PCDH7: variants seen among roughly 807,000 people sequenced by gnomAD.
PCDH7 encodes the protein protocadherin-7.
Under a neutral mutation model 58.9 loss-of-function variants are expected in PCDH7, and 17 were observed. That is an observed-to-expected ratio of 0.29 (90% CI 0.20 to 0.43). The LOEUF (loss-of-function observed/expected upper bound fraction) is 0.43. Ranked by LOEUF, PCDH7 falls within the 20% of genes least tolerant of loss-of-function variation. The pLI is 1.00. For synonymous variants in PCDH7, 664 were observed against 616.4 expected (o/e 1.08, Z -1.14); for missense variants, 1,274 against 1,441.0 (o/e 0.88, Z 1.88).
intron 3 of PCDH7, among the ~76,000 whole-genome samples, chr4:31,134,256 T>G (rs1327600789): frequency 2.6e-5 from 4 of 151,986 alleles, no homozygotes; most frequent in Non-Finnish European, 5.9e-5. Context: ...GGTCAGGAGA[T>G]CGAGACCATC....
At chr4:31,065,417 A>G (rs991665564) in intron 3 of PCDH7, among the ~76,000 whole-genome samples, 1 of 151,952 alleles carries the variant, frequency 6.6e-6, no homozygotes, top group Admixed American at 6.6e-5. Flanking sequence ...TTGTAGTTTG[A>G]AGTCAGGGAT....
intron 1 of PCDH7, among the ~76,000 whole-genome samples, chr4:30,831,045 C>T (rs1010074200): frequency 2.0e-5 from 3 of 152,064 alleles, no homozygotes; most frequent in Admixed American, 6.6e-5. Context: ...GGTGTGCCGA[C>T]ATCCCACTAG....
chr4:31,055,575 ATTTTTTTG>A (rs1337542680), intron 3 of PCDH7, among the ~76,000 whole-genome samples: 52 of 151,818 alleles, frequency 3.4e-4, no homozygotes, highest in Non-Finnish European at 6.9e-4. Flanking sequence ...TTGTTTTTTT[ATTTTTTTG>A]TTTTTTTGTT....
chr4:31,045,837 G>A (rs1362424079), intron 3 of PCDH7, among the ~76,000 whole-genome samples: 11 of 151,938 alleles, frequency 7.2e-5, no homozygotes. Flanking sequence ...GAAGCACACT[G>A]ATTCTGATAC....
intron 3 of PCDH7, among the ~76,000 whole-genome samples, chr4:31,019,238 TTAAA>T (rs765154177): frequency 5.9e-5 from 9 of 152,176 alleles, no homozygotes; most frequent in Non-Finnish European, 7.3e-5. Context: ...ATTTATAAAA[TTAAA>T]TATATAGTCT....
chr4:31,010,354 C>T (rs1361421093), intron 3 of PCDH7, among the ~76,000 whole-genome samples: 1 of 151,890 alleles, frequency 6.6e-6, no homozygotes, highest in African/African-American at 2.4e-5. Flanking sequence ...TATTAATTTA[C>T]TTGCTTGTTT....
intron 1 of PCDH7, among the ~76,000 whole-genome samples, chr4:30,910,034 C>G (rs1319967788): frequency 1.3e-5 from 2 of 152,070 alleles, no homozygotes; most frequent in African/African-American, 2.4e-5. Context: ...CATCTACAAC[C>G]ATCTGATCTT....
At chr4:30,780,933 C>T (rs1722695001) in intron 1 of PCDH7, among the ~76,000 whole-genome samples, 1 of 152,116 alleles carries the variant, frequency 6.6e-6, no homozygotes, top group African/African-American at 2.4e-5. Context: ...CTTGTATCTT[C>T]CTGTCAACTT....
intron 1 of PCDH7, among the ~76,000 whole-genome samples, chr4:30,877,474 G>A (rs571288087): frequency 2.6e-5 from 4 of 152,300 alleles, no homozygotes; most frequent in South Asian, 4.1e-4. Flanking sequence ...TAAGGCAACC[G>A]TGCTTTTGTG....
chr4:31,054,746 C>G (rs1757013043), intron 3 of PCDH7, among the ~76,000 whole-genome samples: 1 of 152,154 alleles, frequency 6.6e-6, no homozygotes, highest in Admixed American at 6.5e-5. Context: ...AGATGCCAAA[C>G]AGGTGTGCTA....
intron 3 of PCDH7, among the ~76,000 whole-genome samples, chr4:31,056,602 G>GGAGA (rs200443037): frequency 1.2e-4 from 17 of 147,458 alleles, no homozygotes; most frequent in African/African-American, 4.3e-4. Context: ...AGGAAGGAAA[G>GGAGA]GAGAGAGAGA....
intron 3 of PCDH7, among the ~76,000 whole-genome samples, chr4:30,963,224 T>G (rs1279529509): frequency 6.6e-6 from 1 of 152,154 alleles, no homozygotes; most frequent in Non-Finnish European, 1.5e-5. Flanking sequence ...AAGTATAAAA[T>G]AACATGCTGT....
chr4:30,758,714 T>C (rs1370989854), intron 1 of PCDH7, among the ~76,000 whole-genome samples: 1 of 152,188 alleles, frequency 6.6e-6, no homozygotes, highest in Non-Finnish European at 1.5e-5. Context: ...ATGCAGGTAT[T>C]GCACTAAGTA....
chr4:30,878,440 T>G (rs1736558865), intron 1 of PCDH7, among the ~76,000 whole-genome samples: 1 of 151,950 alleles, frequency 6.6e-6, no homozygotes, highest in Non-Finnish European at 1.5e-5. Context: ...GGAGGGAGAA[T>G]GGTAGAATGA....
chr4:30,908,285 G>C (rs544012844), intron 1 of PCDH7, among the ~76,000 whole-genome samples: 1 of 151,114 alleles, frequency 6.6e-6, no homozygotes, highest in Non-Finnish European at 1.5e-5. Flanking sequence ...AAAGAAATGG[G>C]CTTCCTAATT....
rs201495027 is a variant in PCDH7 at position 30,723,392 on chromosome 4, C to T, written c.1970C>T (p.Pro657Leu). 6.2e-7 allele frequency: 1 copy of T among 1,614,116 alleles called. No individual in the cohort carries two copies. Residue 657 changes from proline to leucine, a missense_variant, in exon 1 of 2, where the codon CCT (proline) becomes CTT (leucine). Pro to Leu is a moderately conservative substitution (Grantham distance 98). Coordinates refer to ENST00000361762, the Ensembl canonical transcript of PCDH7. The surrounding 1 kb of genome is among the most constrained non-coding windows in gnomAD (Gnocchi z 4.6). ...AAAGAAAACTTGCAGCCCAACAGCC[C>T]TGTGGGGATGGTCACCGTGATGGAT...
chr4:30,801,976 A>G (rs1251659590), intron 1 of PCDH7, among the ~76,000 whole-genome samples: 2 of 152,198 alleles, frequency 1.3e-5, no homozygotes, highest in Non-Finnish European at 2.9e-5. Context: ...TTTTTTGACT[A>G]ACAGTCCTAC....
intron 1 of PCDH7, among the ~76,000 whole-genome samples, chr4:30,779,292 T>C (rs1722487818): frequency 2.0e-5 from 3 of 152,124 alleles, no homozygotes; most frequent in Non-Finnish European, 4.4e-5. Flanking sequence ...CCTAAAGTGC[T>C]GGGATTACAG....
intron 3 of PCDH7, among the ~76,000 whole-genome samples, chr4:31,000,032 G>T (rs1193563678): frequency 6.6e-6 from 1 of 152,006 alleles, no homozygotes; most frequent in Non-Finnish European, 1.5e-5. Context: ...AACTTATAAT[G>T]CAAGAATTCT....
Sources: gnomAD v4.1 joint callset for allele counts (sites outside exome capture counted in the v4.1 genomes callset) on GRCh38, gnomAD v4.1.1 for gene constraint, Gnocchi (gnomAD v3.1) non-coding constraint, MANE v1.5 for transcripts, NCBI Gene and HGNC (gene_info 2026-07-23, HGNC 2026-07-21) for gene names.